The following MYCN variants were observed in gnomAD, a reference collection of about 807,000 sequenced individuals.
MYCN encodes the protein N-myc proto-oncogene protein.
In MYCN, 3 loss-of-function variants were observed where a neutral mutation model predicts 28.1. That is an observed-to-expected ratio of 0.11 (90% CI 0.05 to 0.28). The LOEUF (loss-of-function observed/expected upper bound fraction) is 0.28, where lower values mean the gene tolerates loss of function less well. MYCN is among the 10% of genes least tolerant of loss of function. The probability of loss-of-function intolerance (pLI) is 1.00; values close to 1 mark genes in which losing one functional copy is unlikely to be tolerated. For missense variants in MYCN, 572 were observed against 651.4 expected (o/e 0.88, Z 1.33); for synonymous variants, 326 against 288.3 (o/e 1.13, Z -1.32).
chr2:15,941,981 GC>G lies in MYCN; in HGVS notation c.-78del. On this transcript the variant is annotated 5_prime_UTR_variant, in exon 2 of 3. Coordinates refer to ENST00000281043, the MANE Select transcript of MYCN (RefSeq NM_005378.6). This position sits in a 1 kb window ranked among gnomAD's most constrained non-coding sequence, Gnocchi z 4.8. Reference sequence around the variant, plus strand: ...GTCGGCGCCGGCCCCCGCCTTCCGCGCCCCCCACGGGAAGGAAGCACCCCCG... The same window carrying G: ...GTCGGCGCCGGCCCCCGCCTTCCGCGCCCCCACGGGAAGGAAGCACCCCCG... 1.3e-6 allele frequency: 2 copies of G among 1,553,564 alleles called. No homozygotes were observed. The highest frequency in any genetic ancestry group is 1.7e-4 in the Middle Eastern group (1 of 5,900).
intron 1 of MYCN, 118 bp downstream of exon 1, chr2:15,940,861 C>G (rs1662628356): frequency 2.5e-6 from 1 of 398,084 alleles, no homozygotes; most frequent in Non-Finnish European, 4.4e-6. Context: ...GCCCGGGGGA[C>G]TGTTTCTGCT....
chr2:15,942,719 G>A lies in MYCN; in HGVS notation c.655G>A (p.Val219Ile). ...CAGTGCCCCGGCGGCGGGCCCTGCG[G>A]TCGCCTCGGGGGCGGGTATTGCCGC... The part of the protein sequence containing the change: ...PASAPAAGPA[V>I]ASGAGIAAPA... Residue 219 changes from valine to isoleucine, a missense_variant, in exon 2 of 3, where the codon GTC becomes ATC. Physicochemically the swap from Val to Ile is conservative, Grantham distance 29. Transcript: ENST00000281043. This position sits in a 1 kb window ranked among gnomAD's most constrained non-coding sequence, Gnocchi z 7.0. 8.3e-7 allele frequency: 1 copy of A among 1,206,084 alleles called. No homozygotes were observed. The highest frequency in any genetic ancestry group is 1.0e-6 in the Non-Finnish European group (1 of 974,256). The allele number at this position is 1,206,084 out of a possible 1,614,324, so 74.7% of individuals were successfully genotyped here.
rs776400798 is a variant in MYCN at position 15,942,132 on chromosome 2, C to G, written c.68C>G (p.Ser23Trp). The G allele has an allele frequency of 6.2e-7, 1 of 1,613,988 alleles. No homozygotes were observed. Among genetic ancestry groups the G allele is most frequent in the Non-Finnish European group, 8.5e-7 (1 of 1,180,022 alleles). ...AAGAACCCAGACCTCGAGTTTGACT[C>G]GCTACAGCCCTGCTTCTACCCGGAC... ...ICKNPDLEFD[S>W]LQPCFYPDED... The change falls in exon 2 of 3, where the codon TCG becomes TGG. Residue 23 changes from serine to tryptophan, a missense_variant. By Grantham distance (177) the Ser-to-Trp change is radical (BLOSUM62 -3). This residue lies in a region of MYCN where 499 missense variants were observed against 524.3 expected (regional missense o/e 0.95). Coordinates refer to ENST00000281043, the MANE Select transcript of MYCN (RefSeq NM_005378.6). This position sits in a 1 kb window ranked among gnomAD's most constrained non-coding sequence, Gnocchi z 7.0.
In MYCN at chr2:15,945,092, C is replaced by T. The variant is rs547291144; in HGVS notation, c.791-401C>T. 1.1e-4 allele frequency among the ~76,000 whole-genome samples: 16 copies of T among 152,078 alleles called. No homozygotes were observed. The highest frequency in any genetic ancestry group is 3.1e-4 in the African/African-American group (13 of 41,466). On this transcript the variant is annotated intron_variant, in intron 2 of 2. Coordinates refer to ENST00000281043, the MANE Select transcript of MYCN (RefSeq NM_005378.6). This position sits in a 1 kb window ranked among gnomAD's most constrained non-coding sequence, Gnocchi z 4.8. ...TGGGCTCACTGCAACCTCCGCCTCC[C>T]GGGTTCAAGTCATTCTCCTGCCTCA...
In MYCN at chr2:15,946,775, A is replaced by G. The variant is rs1449228088; in HGVS notation, c.*678A>G. On this transcript the variant is annotated 3_prime_UTR_variant, in exon 3 of 3. Transcript: ENST00000281043. ...GTTGTGAAAGTTTTGAGTAGATATT[A>G]CTTTATCACTTTTTGAACTAAGAAA... 4.4e-6 allele frequency: 1 copy of G among 225,310 alleles called. No individual in the cohort carries two copies. The highest frequency in any genetic ancestry group is 8.8e-6 in the Non-Finnish European group (1 of 113,148). 14.0% of individuals were successfully genotyped at this position (225,310 alleles called of 1,614,324 possible). A position where few individuals can be genotyped will look rare whatever the true frequency, so the allele number is the denominator to read the frequency against.
chr2:15,942,040 C>G lies in MYCN; in HGVS notation c.-25C>G. ...AACGAACGGGGCGGAAAGAAGCCCT[C>G]AGTCGCCGGCCGGGAGGCGAGCCGA... On this transcript the variant is annotated 5_prime_UTR_variant, in exon 2 of 3. Coordinates refer to ENST00000281043, the MANE Select transcript of MYCN (RefSeq NM_005378.6). This position sits in a 1 kb window ranked among gnomAD's most constrained non-coding sequence, Gnocchi z 7.0. The G allele has an allele frequency of 2.5e-6, 4 of 1,613,050 alleles. No individual in the cohort carries two copies. The highest frequency in any genetic ancestry group is 1.1e-5 in the South Asian group (1 of 91,054).
At position 15,945,684 on chromosome 2, in the gene MYCN, C is replaced by G; in HGVS notation, c.982C>G (p.Gln328Glu). ...CCTCAAACGATGCCTTCCCATCCAC[C>G]AGCAGCACAACTATGCCGCCCCCTC... ...LILKRCLPIH[Q>E]QHNYAAPSPY... The change falls in exon 3 of 3, where the codon CAG (glutamine) becomes GAG (glutamate). Residue 328 changes from glutamine (Q) to glutamate (E), a missense_variant. This residue lies in a region of MYCN where 499 missense variants were observed against 524.3 expected (regional missense o/e 0.95). Transcript: ENST00000281043. This position sits in a 1 kb window ranked among gnomAD's most constrained non-coding sequence, Gnocchi z 4.8. The G allele has an allele frequency of 1.2e-6, 2 of 1,614,178 alleles. No individual in the cohort carries two copies. Among genetic ancestry groups the G allele is most frequent in the Non-Finnish European group, 1.7e-6 (2 of 1,180,024 alleles).
In MYCN at chr2:15,941,926, C is replaced by A; in HGVS notation, c.-117-22C>A. The A allele has an allele frequency of 9.2e-7, 1 of 1,089,260 alleles. No individual in the cohort carries two copies. Among genetic ancestry groups the A allele is most frequent in the South Asian group, 1.5e-5 (1 of 67,528 alleles). The allele number at this position is 1,089,260 out of a possible 1,614,324, so 67.5% of individuals were successfully genotyped here. ...GGTCTGCCCCGTTTGCCCACCCTCT[C>A]CGGTGTGTCTGTCGGTTGCAGTGTT... On this transcript the variant is annotated intron_variant, in intron 1 of 2. Transcript: ENST00000281043. The surrounding 1 kb of genome is among the most constrained non-coding windows in gnomAD (Gnocchi z 4.8).
Position 15,945,719 on chromosome 2 carries a change from G to A in MYCN, c.1017G>A (p.Val339=), listed in dbSNP as rs755033523. ...QHNYAAPSPY[V]ESEDAPPQKK... Reference sequence around the variant, plus strand: ...ACTATGCCGCCCCCTCTCCCTACGTGGAGAGTGAGGATGCACCCCCACAGA... The same window carrying A: ...ACTATGCCGCCCCCTCTCCCTACGTAGAGAGTGAGGATGCACCCCCACAGA... Residue 339 remains valine (V), a synonymous_variant, in exon 3 of 3, where the codon GTG becomes GTA. Transcript: ENST00000281043. The surrounding 1 kb of genome is among the most constrained non-coding windows in gnomAD (Gnocchi z 4.8). The A allele has an allele frequency of 6.2e-7, 1 of 1,614,060 alleles. No individual in the cohort carries two copies. The highest frequency in any genetic ancestry group is 8.5e-7 in the Non-Finnish European group (1 of 1,179,972).
chr2:15,942,304 G>A lies in MYCN; in HGVS notation c.240G>A (p.Glu80=), dbSNP rs1662710345. The A allele has an allele frequency of 5.0e-6, 8 of 1,609,944 alleles. No individual in the cohort carries two copies. Among genetic ancestry groups the A allele is most frequent in the Non-Finnish European group, 5.9e-6 (7 of 1,178,820 alleles). ...CCGAGCCCCCGAGCTGGGTCACGGA[G>A]ATGCTGCTTGAGAACGAGCTGTGGG... The part of the protein sequence containing the change: ...HSSEPPSWVT[E]MLLENELWGS... Residue 80 remains glutamate (E), a synonymous_variant, in exon 2 of 3, where the codon GAG becomes GAA. Coordinates refer to ENST00000281043, the MANE Select transcript of MYCN (RefSeq NM_005378.6). The surrounding 1 kb of genome is among the most constrained non-coding windows in gnomAD (Gnocchi z 7.0).
intron 1 of MYCN, 83 bp downstream of exon 1, chr2:15,940,826 A>T: frequency 2.5e-6 from 1 of 398,236 alleles, no homozygotes; most frequent in Non-Finnish European, 4.4e-6. Context: ...CGGGATTGCG[A>T]CGTGCGCACC....
chr2:15,941,573 A>AC lies in MYCN; in HGVS notation c.-117-375_-117-374insC. The AC allele has an allele frequency of 4.8e-6, 1 of 209,840 alleles. No individual in the cohort carries two copies. Among genetic ancestry groups the AC allele is most frequent in the Admixed American group, 5.4e-5 (1 of 18,590 alleles). The allele number at this position is 209,840 out of a possible 1,614,324, so 13.0% of individuals were successfully genotyped here. A position where few individuals can be genotyped will look rare whatever the true frequency, so the allele number is the denominator to read the frequency against. On this transcript the variant is annotated intron_variant, in intron 1 of 2. Transcript: ENST00000281043. The surrounding 1 kb of genome is among the most constrained non-coding windows in gnomAD (Gnocchi z 4.8). ...GTCGGAGAGCCTGGGGCTTCCCCTG[A>AC]GCAGCCGGCCCCACACCGCTGCGAG...
chr2:15,944,089 G>A (rs966095515), intron 2 of MYCN, among the ~76,000 whole-genome samples: 1 of 152,102 alleles, frequency 6.6e-6, no homozygotes, highest in Non-Finnish European at 1.5e-5. Flanking sequence ...TGCCTTGACA[G>A]CTTTTGGTGA....
Position 15,945,149 on chromosome 2 carries a change from G to A in MYCN, c.791-344G>A, listed in dbSNP as rs569763361. ...CGAGTAGCTGGGATTACCGGAGCAT[G>A]CCACCACACCCAGCAAAGTTTTGTA... On this transcript the variant is annotated intron_variant, in intron 2 of 2. Coordinates refer to ENST00000281043, the MANE Select transcript of MYCN (RefSeq NM_005378.6). The surrounding 1 kb of genome is among the most constrained non-coding windows in gnomAD (Gnocchi z 4.8). Among the ~76,000 whole-genome samples, 15 of 151,988 alleles carry A rather than the reference G, an allele frequency of 9.9e-5. No homozygotes were observed. The South Asian group carries it at 1.5e-3, about 15-fold the overall frequency.
In MYCN at chr2:15,946,190, C is replaced by T. The variant is rs371145074; in HGVS notation, c.*93C>T. The T allele has an allele frequency of 3.8e-6, 6 of 1,582,356 alleles. No homozygotes were observed. The highest frequency in any genetic ancestry group is 3.5e-5 in the Admixed American group (2 of 57,650). On this transcript the variant is annotated 3_prime_UTR_variant, in exon 3 of 3. Transcript: ENST00000281043. Reference sequence around the variant, plus strand: ...TGTTGACATTAAGAATGTTGGTTTACTTTCAAATCGGTCCCCTGTCGAGTT... The same window carrying T: ...TGTTGACATTAAGAATGTTGGTTTATTTTCAAATCGGTCCCCTGTCGAGTT...
intron 2 of MYCN, among the ~76,000 whole-genome samples, chr2:15,944,160 G>A (rs2103328672): frequency 6.6e-6 from 1 of 152,234 alleles, no homozygotes; most frequent in South Asian, 2.1e-4. Flanking sequence ...GGCTTAAAGG[G>A]ACCCACAGAC....
In MYCN at chr2:15,942,460, G is replaced by C. The variant is rs1264733682; in HGVS notation, c.396G>C (p.Glu132Asp). 1.3e-6 allele frequency: 2 copies of C among 1,591,274 alleles called. No homozygotes were observed. The highest frequency in any genetic ancestry group is 1.7e-6 in the Non-Finnish European group (2 of 1,175,524). ...AREKLERAVSEKLQHGRGPPT... is the reference protein window; with the variant it reads ...AREKLERAVSDKLQHGRGPPT... ...AGAAGCTGGAGCGCGCCGTGAGCGA[G>C]AAGCTGCAGCACGGCCGCGGGCCGC... The change falls in exon 2 of 3, where the codon GAG (glutamate) becomes GAC (aspartate). Residue 132 changes from glutamate (E) to aspartate (D), a missense_variant. Glu to Asp is a conservative substitution (Grantham distance 45). Around this residue, in one of 3 missense-constraint regions of MYCN, gnomAD observed 499 missense variants for 524.3 expected, o/e 0.95. Transcript: ENST00000281043. This position sits in a 1 kb window ranked among gnomAD's most constrained non-coding sequence, Gnocchi z 7.0.
Position 15,941,918 on chromosome 2 carries a change from C to T in MYCN, c.-117-30C>T. The T allele has an allele frequency of 9.9e-7, 1 of 1,014,072 alleles. No individual in the cohort carries two copies. The highest frequency in any genetic ancestry group is 2.6e-5 in the East Asian group (1 of 38,336). The allele number at this position is 1,014,072 out of a possible 1,614,324, so 62.8% of individuals were successfully genotyped here. A position where few individuals can be genotyped will look rare whatever the true frequency, so the allele number is the denominator to read the frequency against. ...ATCCCCTCGGTCTGCCCCGTTTGCC[C>T]ACCCTCTCCGGTGTGTCTGTCGGTT... On this transcript the variant is annotated intron_variant, in intron 1 of 2. Transcript: ENST00000281043. The surrounding 1 kb of genome is among the most constrained non-coding windows in gnomAD (Gnocchi z 4.8).
In MYCN at chr2:15,945,664, A is replaced by T. The variant is rs774985441; in HGVS notation, c.962A>T (p.Lys321Ile). ...GCTCAGTCCAGCGAGCTGATCCTCA[A>T]ACGATGCCTTCCCATCCACCAGCAG... ...GRAQSSELIL[K>I]RCLPIHQQHN... is the part of the protein sequence containing the mutation. The change falls in exon 3 of 3, where the codon AAA becomes ATA. Residue 321 changes from lysine (K) to isoleucine (I), a missense_variant. By Grantham distance (102) the Lys-to-Ile change is moderately radical. Around this residue, in one of 3 missense-constraint regions of MYCN, gnomAD observed 499 missense variants for 524.3 expected, o/e 0.95. Coordinates refer to ENST00000281043, the MANE Select transcript of MYCN (RefSeq NM_005378.6). This position sits in a 1 kb window ranked among gnomAD's most constrained non-coding sequence, Gnocchi z 4.8. 1 of 1,614,160 alleles carries T rather than the reference A, an allele frequency of 6.2e-7. No individual in the cohort carries two copies. Among genetic ancestry groups the T allele is most frequent in the Admixed American group, 1.7e-5 (1 of 60,022 alleles).
Sources: allele counts gnomAD v4.1 joint callset (sites outside exome capture counted in the v4.1 genomes callset), GRCh38; gene constraint gnomAD v4.1.1; regional missense constraint gnomAD v4.1.1; non-coding constraint Gnocchi (gnomAD v3.1); transcripts MANE v1.5; gene names NCBI Gene and HGNC (gene_info 2026-07-23, HGNC 2026-07-21).